PIK3C2G: variants seen among roughly 807,000 people sequenced by gnomAD.
PIK3C2G encodes phosphatidylinositol 3-kinase C2 domain-containing subunit gamma.
A neutral mutation model predicts 181.1 loss-of-function variants in PIK3C2G; 168 were observed. That is an observed-to-expected ratio of 0.93 (90% CI 0.82 to 1.05). The LOEUF (loss-of-function observed/expected upper bound fraction) is 1.05, where lower values mean the gene tolerates loss of function less well. PIK3C2G is among the 50% of genes least tolerant of loss of function. The probability of loss-of-function intolerance (pLI) is 0.00; values close to 1 mark genes in which losing one functional copy is unlikely to be tolerated. For missense variants in PIK3C2G, 1,869 were observed against 1,732.8 expected, an observed-to-expected ratio of 1.08 and a Z score of -1.40; for synonymous variants, 573 against 592.2, an observed-to-expected ratio of 0.97 and a Z score of 0.47.
chr12:18,559,953 C>T (rs1250688948), intron 26 of PIK3C2G, among the ~76,000 whole-genome samples: 2 of 150,448 alleles, frequency 1.3e-5, no homozygotes, highest in East Asian at 4.0e-4. Context: ...AAGCAATTCT[C>T]CTGCCTCAGC....
At chr12:18,407,623 G>C (rs1249723064) in intron 16 of PIK3C2G, among the ~76,000 whole-genome samples, 1 of 152,110 alleles carries the variant, frequency 6.6e-6, no homozygotes, top group Non-Finnish European at 1.5e-5. Context: ...TAAAACAACA[G>C]TTGTTATCAC....
chr12:18,397,633 C>A (rs2138104149), intron 15 of PIK3C2G, among the ~76,000 whole-genome samples: 1 of 152,090 alleles, frequency 6.6e-6, no homozygotes, highest in African/African-American at 2.4e-5. Flanking sequence ...CAAGAGTTGG[C>A]AAGAATGTGG....
intron 18 of PIK3C2G, among the ~76,000 whole-genome samples, chr12:18,453,842 C>T (rs1189951895): frequency 6.6e-6 from 1 of 152,064 alleles, no homozygotes; most frequent in African/African-American, 2.4e-5. Context: ...GACTCACTGT[C>T]TAATTTGAAT....
chr12:18,551,732 A>C lies in PIK3C2G; in HGVS notation c.3590+5300A>C, dbSNP rs116781791. On this transcript the variant is annotated intron_variant, in intron 26 of 32. Coordinates refer to ENST00000538779, the MANE Select transcript of PIK3C2G (RefSeq NM_001288772.2). Reference sequence around the variant, plus strand: ...GGTAGCCTTAGATTAAAGGCTCTACATGGAGTCAAACTGTAAGCTAAGAAA... The same window carrying C: ...GGTAGCCTTAGATTAAAGGCTCTACCTGGAGTCAAACTGTAAGCTAAGAAA... Among the ~76,000 whole-genome samples, 919 of 152,240 alleles carry C rather than the reference A, an allele frequency of 6.0e-3. 4 individuals carry two copies. The highest frequency in any genetic ancestry group is 0.021 in the African/African-American group (892 of 41,554).
At chr12:18,414,693 C>CA (rs145161770) in intron 16 of PIK3C2G, among the ~76,000 whole-genome samples, 3 of 151,490 alleles carry the variant, frequency 2.0e-5, no homozygotes, top group Non-Finnish European at 2.9e-5. Flanking sequence ...ATAGATAGAT[C>CA]AAAAAAAATA....
At position 18,598,975 on chromosome 12, in the gene PIK3C2G, A is replaced by C. The variant is rs1284021344; in HGVS notation, c.4087+4406A>C. On this transcript the variant is annotated intron_variant, in intron 30 of 32. Transcript: ENST00000538779. Reference sequence around the variant, plus strand: ...ACCATCTCACACCAGTTAGAATGGCAATCATTAAAAAGTCAGGAAACAACA... The same window carrying C: ...ACCATCTCACACCAGTTAGAATGGCCATCATTAAAAAGTCAGGAAACAACA... 6.7e-5 allele frequency among the ~76,000 whole-genome samples: 10 copies of C among 149,768 alleles called. No homozygotes were observed. In the South Asian group the frequency reaches 1.3e-3, roughly 19 times the overall value.
At chr12:18,342,454 A>C (rs926968438) in intron 9 of PIK3C2G, among the ~76,000 whole-genome samples, 1 of 152,032 alleles carries the variant, frequency 6.6e-6, no homozygotes, top group Non-Finnish European at 1.5e-5. Flanking sequence ...CTGGCTTTTA[A>C]CTAATTGTAT....
At chr12:18,622,004 TG>T (rs1948885907) in intron 31 of PIK3C2G, among the ~76,000 whole-genome samples, 1 of 151,880 alleles carries the variant, frequency 6.6e-6, no homozygotes. Context: ...TAATACAACG[TG>T]GAATGATTAA....
intron 18 of PIK3C2G, among the ~76,000 whole-genome samples, chr12:18,441,764 C>G (rs890296556): frequency 6.6e-6 from 1 of 152,042 alleles, no homozygotes; most frequent in Non-Finnish European, 1.5e-5. Flanking sequence ...CAACAAAGGA[C>G]AAACCAGCAA....
chr12:18,371,769 A>G (rs1474191772), intron 13 of PIK3C2G, among the ~76,000 whole-genome samples: 1 of 152,192 alleles, frequency 6.6e-6, no homozygotes, highest in African/African-American at 2.4e-5. Context: ...AAACTAGGTC[A>G]ATTATAAGTT....
In PIK3C2G at chr12:18,562,766, A is replaced by G. The variant is rs377590885; in HGVS notation, c.3654A>G (p.Ala1218=). ...TGAATAACTTGATCCACACACTTGC[A>G]CAAATGTCAGCCATAAGCCCTGCCA... ...VKLNNLIHTL[A]QMSAISPAKS... is the part of the protein sequence containing the mutation. The change falls in exon 27 of 33, where the codon GCA becomes GCG. Residue 1218 remains alanine, a synonymous_variant. Coordinates refer to ENST00000538779, the MANE Select transcript of PIK3C2G (RefSeq NM_001288772.2). The G allele has an allele frequency of 1.2e-6, 2 of 1,607,866 alleles. No homozygotes were observed. The highest frequency in any genetic ancestry group is 1.7e-5 in the Admixed American group (1 of 59,308).
the PIK3C2G span, among the ~76,000 whole-genome samples, chr12:18,710,764 C>T: frequency 2.5e-4 from 38 of 152,086 alleles, no homozygotes; most frequent in African/African-American, 8.4e-4. Context: ...ATTTATGCAG[C>T]CAAAAAACAC....
At chr12:18,698,059 T>C in the PIK3C2G span, among the ~76,000 whole-genome samples, 11 of 151,856 alleles carry the variant, frequency 7.2e-5, no homozygotes, top group African/African-American at 2.7e-4. Context: ...CCTGTCCTCA[T>C]GAACAACATG....
At chr12:18,643,726 G>T (rs1299463148) in intron 32 of PIK3C2G, among the ~76,000 whole-genome samples, 1 of 151,878 alleles carries the variant, frequency 6.6e-6, no homozygotes, top group African/African-American at 2.4e-5. Context: ...CTTACTAGAT[G>T]TCTTTACCAA....
At chr12:18,592,800 A>G (rs115776906) in intron 29 of PIK3C2G, among the ~76,000 whole-genome samples, 1,679 of 152,056 alleles carry the variant, frequency 0.011, 27 homozygotes, top group African/African-American at 0.038. Flanking sequence ...TGAAGTGGCT[A>G]AAATATAGAT....
At chr12:18,635,926 T>G (rs77752187) in intron 31 of PIK3C2G, among the ~76,000 whole-genome samples, 11,419 of 152,202 alleles carry the variant, frequency 0.075, 546 homozygotes, top group Middle Eastern at 0.17. Context: ...CAACGTACCC[T>G]TTATCTTAGA....
intron 11 of PIK3C2G, among the ~76,000 whole-genome samples, chr12:18,353,162 A>C (rs531144161): frequency 1.3e-5 from 2 of 152,316 alleles, no homozygotes; most frequent in East Asian, 1.9e-4. Flanking sequence ...GACCAATCTT[A>C]GCTACTTCCT....
At chr12:18,699,841 T>C in the PIK3C2G span, 2 of 1,613,562 alleles carry the variant, frequency 1.2e-6, no homozygotes, top group Non-Finnish European at 1.7e-6. Flanking sequence ...AATAGAATTA[T>C]TTTCATTAAA....
intron 14 of PIK3C2G, among the ~76,000 whole-genome samples, chr12:18,388,619 T>C (rs144886242): frequency 7.8e-4 from 119 of 152,276 alleles, no homozygotes; most frequent in African/African-American, 2.8e-3. Flanking sequence ...AAGTGGAAGT[T>C]CTTTGAATAA....
Sources: allele counts gnomAD v4.1 joint callset (sites outside exome capture counted in the v4.1 genomes callset), GRCh38; gene constraint gnomAD v4.1.1; transcripts MANE v1.5; gene names NCBI Gene and HGNC (gene_info 2026-07-23, HGNC 2026-07-21).